The following RAPGEF1 variants were observed in gnomAD, a reference collection of about 807,000 sequenced individuals.
RAPGEF1 encodes the protein CRK SH3-binding GNRP.
A neutral mutation model predicts 143.3 loss-of-function variants in RAPGEF1; 33 were observed. That is an observed-to-expected ratio of 0.23 (90% confidence interval 0.17 to 0.31). RAPGEF1 has a LOEUF of 0.31. Ranked by LOEUF, RAPGEF1 falls within the 10% of genes least tolerant of loss-of-function variation. RAPGEF1 has a pLI of 1.00. For synonymous variants in RAPGEF1, 629 were observed against 676.5 expected (o/e 0.93, Z 1.09); for missense variants, 1,199 against 1,645.4 (o/e 0.73, Z 4.69).
intron 12 of RAPGEF1, among the ~76,000 whole-genome samples, chr9:131,615,043 G>A (rs1054025852): frequency 2.6e-5 from 4 of 152,280 alleles, no homozygotes; most frequent in Non-Finnish European, 4.4e-5. Context: ...AAGAAAGAAC[G>A]TACAAGAAAG....
At chr9:131,644,413 G>A (rs1968972570) in intron 3 of RAPGEF1, among the ~76,000 whole-genome samples, 1 of 149,246 alleles carries the variant, frequency 6.7e-6, no homozygotes, top group Non-Finnish European at 1.5e-5. Flanking sequence ...AAAAAAAAGA[G>A]TAGTCTACAG....
chr9:131,617,208 C>G (rs1445088042), intron 12 of RAPGEF1, among the ~76,000 whole-genome samples: 2 of 152,222 alleles, frequency 1.3e-5, no homozygotes, highest in African/African-American at 2.4e-5. Context: ...AAACAAAAAT[C>G]TAGCTCAGTC....
intron 1 of RAPGEF1, among the ~76,000 whole-genome samples, chr9:131,708,560 G>T (rs1334829470): frequency 6.6e-6 from 1 of 152,074 alleles, no homozygotes; most frequent in Non-Finnish European, 1.5e-5. Context: ...CCACTTCCTG[G>T]GTGTCCAGGA....
At chr9:131,629,580 T>C (rs932423107) in intron 6 of RAPGEF1, among the ~76,000 whole-genome samples, 2 of 152,050 alleles carry the variant, frequency 1.3e-5, no homozygotes, top group African/African-American at 4.8e-5. Context: ...CACTTGAGGT[T>C]AGGAGTTTGA....
intron 3 of RAPGEF1, among the ~76,000 whole-genome samples, chr9:131,648,861 G>T (rs755055533): frequency 3.4e-4 from 52 of 152,102 alleles, no homozygotes; most frequent in Non-Finnish European, 6.8e-4. Context: ...TAGATGAACT[G>T]CAAAATTCAA....
At chr9:131,681,921 G>A (rs1319805664) in intron 1 of RAPGEF1, among the ~76,000 whole-genome samples, 1 of 152,188 alleles carries the variant, frequency 6.6e-6, no homozygotes, top group Non-Finnish European at 1.5e-5. Context: ...AGATTCGGCT[G>A]CTCAGGATAT....
intron 5 of RAPGEF1, among the ~76,000 whole-genome samples, chr9:131,638,045 G>C (rs574527753): frequency 6.6e-6 from 1 of 152,266 alleles, no homozygotes; most frequent in South Asian, 2.1e-4. Context: ...CTTCCCATCC[G>C]CTAGGACTTA....
chr9:131,629,046 T>C, intron 7 of RAPGEF1, 56 bp downstream of exon 7: 10 of 1,573,392 alleles, frequency 6.4e-6, no homozygotes, highest in Non-Finnish European at 8.6e-6. Flanking sequence ...CCTGTCTTCC[T>C]CCCTTTCTTT....
At position 131,692,161 on chromosome 9, in the gene RAPGEF1, T is replaced by C. The variant is rs1463690979; in HGVS notation, c.62-41212A>G. ...CAAAGTTCCAGCAAAGCAAACTTTGTGATCAATCACTAGCATTACTGCAGT... is the reference window on the plus strand; with the variant it reads ...CAAAGTTCCAGCAAAGCAAACTTTGCGATCAATCACTAGCATTACTGCAGT... On this transcript the variant is annotated intron_variant, in intron 1 of 26. Transcript: ENST00000683357. Among the ~76,000 whole-genome samples the C allele has an allele frequency of 2.0e-5, 3 of 152,336 alleles. No homozygotes were observed. In the South Asian group the frequency reaches 6.2e-4, roughly 32 times the overall value.
intron 17 of RAPGEF1, among the ~76,000 whole-genome samples, chr9:131,594,162 G>C (rs1954838769): frequency 6.6e-6 from 1 of 152,196 alleles, no homozygotes; most frequent in Non-Finnish European, 1.5e-5. Flanking sequence ...TGGCAGATGG[G>C]ACAGCGCCTG....
intron 1 of RAPGEF1, among the ~76,000 whole-genome samples, chr9:131,731,398 C>T (rs145051242): frequency 1.3e-5 from 2 of 152,296 alleles, no homozygotes; most frequent in Non-Finnish European, 2.9e-5. Flanking sequence ...AGGATGGGCG[C>T]ATGTGATAAC....
chr9:131,661,073 GGACTCTC>G (rs566399263), intron 1 of RAPGEF1, among the ~76,000 whole-genome samples: 355 of 152,272 alleles, frequency 2.3e-3, no homozygotes, highest in South Asian at 0.014. Flanking sequence ...AAGAGAAGGG[GGACTCTC>G]TACCCTGCTG....
rs1588167279 is a variant in RAPGEF1 at position 131,584,629 on chromosome 9, G to A, written c.3234-33C>T. 6.2e-7 allele frequency: 1 copy of A among 1,608,948 alleles called. No homozygotes were observed. Among genetic ancestry groups the A allele is most frequent in the African/African-American group, 1.3e-5 (1 of 74,830 alleles). On this transcript the variant is annotated intron_variant, in intron 22 of 26. Coordinates refer to ENST00000683357, the MANE Select transcript of RAPGEF1 (RefSeq NM_001377935.1). The surrounding 1 kb of genome is among the most constrained non-coding windows in gnomAD (Gnocchi z 6.8). ...GACCAAGGGAAAAAGAAACAGCTGA[G>A]TTGACAAGTCCCTGCAGGTCCCAGG...
chr9:131,602,964 C>A (rs1956510741), intron 14 of RAPGEF1, among the ~76,000 whole-genome samples: 1 of 152,234 alleles, frequency 6.6e-6, no homozygotes, highest in Admixed American at 6.5e-5. Flanking sequence ...CCATGCGAAG[C>A]TGGCCTCTAC....
At chr9:131,644,716 G>C (rs1467961472) in intron 3 of RAPGEF1, among the ~76,000 whole-genome samples, 1 of 152,124 alleles carries the variant, frequency 6.6e-6, no homozygotes, top group Non-Finnish European at 1.5e-5. Flanking sequence ...TATAATCCCA[G>C]CACTTTGGGA....
rs1177775369 is a variant in RAPGEF1, at chr9:131,655,253, T to C, written c.62-4304A>G. 6.6e-6 allele frequency among the ~76,000 whole-genome samples: 1 copy of C among 152,230 alleles called. No homozygotes were observed. The highest frequency in any genetic ancestry group is 2.4e-5 in the African/African-American group (1 of 41,456). ...CCAGGGCCTGACCCGCATTCACATG[T>C]GGTCAAACCAAACAGCTTCACAGCT... On this transcript the variant is annotated intron_variant, in intron 1 of 26. Coordinates refer to ENST00000683357, the MANE Select transcript of RAPGEF1 (RefSeq NM_001377935.1). This position sits in a 1 kb window ranked among gnomAD's most constrained non-coding sequence, Gnocchi z 4.1.
chr9:131,735,093 G>C (rs1837331050), intron 1 of RAPGEF1, among the ~76,000 whole-genome samples: 1 of 152,162 alleles, frequency 6.6e-6, no homozygotes, highest in Non-Finnish European at 1.5e-5. Context: ...GGCCAGCCCA[G>C]TTAGAAGGTA....
In RAPGEF1 at chr9:131,584,504, T is replaced by A; in HGVS notation, c.3312+14A>T. 3.1e-6 allele frequency: 5 copies of A among 1,613,922 alleles called. No homozygotes were observed. Among genetic ancestry groups the A allele is most frequent in the Non-Finnish European group, 4.2e-6 (5 of 1,179,778 alleles). On this transcript the variant is annotated intron_variant, in intron 23 of 26. Transcript: ENST00000683357. This position sits in a 1 kb window ranked among gnomAD's most constrained non-coding sequence, Gnocchi z 6.8. ...CTGATGATGGGGGCCTGGGAAGGAC[T>A]TGGCCACCATTACCTTCATGATCTT...
intron 1 of RAPGEF1, among the ~76,000 whole-genome samples, chr9:131,716,666 G>A (rs943296731): frequency 1.3e-5 from 2 of 152,130 alleles, no homozygotes; most frequent in African/African-American, 2.4e-5. Context: ...ACAGCTACTC[G>A]GGGGGCTGAG....
Sources: gnomAD v4.1 joint callset for allele counts (sites outside exome capture counted in the v4.1 genomes callset) on GRCh38, gnomAD v4.1.1 for gene constraint, Gnocchi (gnomAD v3.1) non-coding constraint, MANE v1.5 for transcripts, NCBI Gene and HGNC (gene_info 2026-07-23, HGNC 2026-07-21) for gene names.